LOC101059915: variants seen among roughly 807,000 people sequenced by gnomAD.
the LOC101059915 span, chrX:71,668,051 G>A: frequency 3.4e-6 from 4 of 1,160,357 alleles, no homozygotes; most frequent in Non-Finnish European, 4.6e-6. Flanking sequence ...GTGCTCTGGG[G>A]CCAGGAAGGC....
chrX:71,670,308 C>T, the LOC101059915 span: 4 of 1,163,670 alleles, frequency 3.4e-6, no homozygotes, highest in Admixed American at 5.2e-5. Context: ...GCAGCAGCAG[C>T]CCCCGGGAGC....
At chrX:71,670,012 A>G in the LOC101059915 span, among the ~76,000 whole-genome samples, 1 of 112,457 alleles carries the variant, frequency 8.9e-6, no homozygotes, top group Non-Finnish European at 1.9e-5. Context: ...CGGCCCTCCC[A>G]GGGCCTGGCT....
chrX:71,669,572 A>G, the LOC101059915 span: 76 of 959,157 alleles, frequency 7.9e-5, no homozygotes, highest in Middle Eastern at 1.2e-3. Flanking sequence ...CCCACACAGA[A>G]GCCAGAGCTG....
the LOC101059915 span, chrX:71,668,264 G>T: frequency 8.8e-7 from 1 of 1,131,167 alleles, no homozygotes; most frequent in African/African-American, 1.8e-5. Flanking sequence ...CCCAGCCCTG[G>T]AGAATGGCAG....
chrX:71,668,533 T>TG, the LOC101059915 span: 2 of 1,139,336 alleles, frequency 1.8e-6, no homozygotes, highest in African/African-American at 3.6e-5. Flanking sequence ...AGGAGACACT[T>TG]GCGGACGCCG....
chrX:71,669,676 A>G, the LOC101059915 span: 16 of 971,065 alleles, frequency 1.6e-5, no homozygotes, highest in East Asian at 6.6e-4. Flanking sequence ...CTCGGCCTTT[A>G]CCTTGAGACG....
chrX:71,668,455 C>G, the LOC101059915 span: 10 of 1,160,528 alleles, frequency 8.6e-6, no homozygotes, highest in Non-Finnish European at 1.1e-5. Flanking sequence ...CAGCGACTTA[C>G]CGGTGATTAG....
the LOC101059915 span, chrX:71,670,481 T>C: frequency 4.8e-4 from 525 of 1,084,132 alleles, 3 homozygotes; most frequent in African/African-American, 8.7e-3. Context: ...TTGAGGGTTT[T>C]GTGCCAATCC....
chrX:71,668,890 G>A, the LOC101059915 span: 13 of 1,111,755 alleles, frequency 1.2e-5, no homozygotes, highest in African/African-American at 7.5e-5. Context: ...GCCAGTGTCT[G>A]GCGTGGGGCT....
At chrX:71,670,452 A>G in the LOC101059915 span, 24 of 1,105,807 alleles carry the variant, frequency 2.2e-5, no homozygotes, top group Non-Finnish European at 2.6e-5. Flanking sequence ...CCCCATGCAG[A>G]GTGAGTGCCT....
At chrX:71,668,135 C>G in the LOC101059915 span, 2 of 1,138,098 alleles carry the variant, frequency 1.8e-6, no homozygotes, top group Non-Finnish European at 2.3e-6. Context: ...GAGCCAGCCA[C>G]CATCATGCCG....
chrX:71,668,914 G>A, the LOC101059915 span: 1 of 1,132,966 alleles, frequency 8.8e-7, no homozygotes, highest in African/African-American at 1.8e-5. Context: ...GGGGAAGTCC[G>A]TGAGACCCAA....
the LOC101059915 span, chrX:71,668,433 C>T: frequency 0.042 from 48,804 of 1,160,807 alleles, 888 homozygotes; most frequent in Non-Finnish European, 0.052. Flanking sequence ...ACTCTGATTC[C>T]GCAGATGAGA....
the LOC101059915 span, chrX:71,668,194 G>A: frequency 8.9e-7 from 1 of 1,123,713 alleles, no homozygotes; most frequent in Non-Finnish European, 1.2e-6. Context: ...CACTGCCAAA[G>A]GGTCCACTGA....
chrX:71,667,591 G>C, the LOC101059915 span: 23 of 286,525 alleles, frequency 8.0e-5, no homozygotes, highest in African/African-American at 5.8e-4. Context: ...GTGACATCTC[G>C]TGAGCAGACT....
chrX:71,669,574 C>A, the LOC101059915 span: 1 of 960,827 alleles, frequency 1.0e-6, no homozygotes, highest in Non-Finnish European at 1.3e-6. Context: ...CACACAGAAG[C>A]CAGAGCTGAT....
chrX:71,669,531 C>T, the LOC101059915 span: 1 of 957,862 alleles, frequency 1.0e-6, no homozygotes, highest in East Asian at 4.1e-5. Flanking sequence ...TCCCCACTGC[C>T]AGCCTGACTC....
the LOC101059915 span, chrX:71,668,614 A>G: frequency 4.6e-6 from 5 of 1,081,835 alleles, no homozygotes; most frequent in Middle Eastern, 1.1e-3. Context: ...CCGCAGACTC[A>G]CCCCAGTCGT....
At chrX:71,668,306 T>G in the LOC101059915 span, 1 of 1,134,048 alleles carries the variant, frequency 8.8e-7, no homozygotes, top group Middle Eastern at 3.4e-4. Context: ...CACCTCAGTG[T>G]TCCTGGGCCA....
Sources: allele counts gnomAD v4.1 joint callset (sites outside exome capture counted in the v4.1 genomes callset), GRCh38; gene constraint gnomAD v4.1.1; transcripts MANE v1.5.